MACROD2: variants seen among roughly 807,000 people sequenced by gnomAD.
The protein encoded by MACROD2 is mono-ADP ribosylhydrolase 2, also known as ADP-ribose glycohydrolase MACROD2.
In MACROD2, 36 loss-of-function variants were observed where a neutral mutation model predicts 70.4. That is an observed-to-expected ratio of 0.51 (90% CI 0.39 to 0.68). The LOEUF (loss-of-function observed/expected upper bound fraction) is 0.68. Among genes scored for constraint, MACROD2 ranks in the 30% least tolerant of loss-of-function variants. MACROD2 has a pLI of 0.00. For missense variants in MACROD2, 496 were observed against 538.4 expected, an observed-to-expected ratio of 0.92 and a Z score of 0.78; for synonymous variants, 172 against 178.8, an observed-to-expected ratio of 0.96 and a Z score of 0.30.
chr20:14,543,411 C>T (rs6105284), intron 4 of MACROD2, among the ~76,000 whole-genome samples: 1 of 152,102 alleles, frequency 6.6e-6, no homozygotes, highest in Non-Finnish European at 1.5e-5. Context: ...TTTTAAGCTC[C>T]TATATGTAGT....
chr20:14,433,600 T>A (rs747287770), intron 3 of MACROD2, among the ~76,000 whole-genome samples: 13 of 152,156 alleles, frequency 8.5e-5, no homozygotes, highest in Non-Finnish European at 1.9e-4. Flanking sequence ...AGTGCAACCA[T>A]CTTCATTTGC....
At chr20:15,207,891 T>C (rs2076725760) in intron 5 of MACROD2, among the ~76,000 whole-genome samples, 1 of 152,362 alleles carries the variant, frequency 6.6e-6, no homozygotes, top group South Asian at 2.1e-4. Flanking sequence ...TTAGCATGAA[T>C]TCCTTTTTGT....
At chr20:14,657,787 C>T (rs1473110001) in intron 4 of MACROD2, among the ~76,000 whole-genome samples, 1 of 151,948 alleles carries the variant, frequency 6.6e-6, no homozygotes, top group Non-Finnish European at 1.5e-5. Flanking sequence ...GGGAATTACC[C>T]GTCTTTATCA....
intron 8 of MACROD2, among the ~76,000 whole-genome samples, chr20:15,563,712 A>G (rs2048274724): frequency 6.6e-6 from 1 of 152,226 alleles, no homozygotes; most frequent in Admixed American, 6.5e-5. Flanking sequence ...AATATATTTT[A>G]TTGCACACTT....
At chr20:14,495,827 A>G (rs1336327931) in intron 4 of MACROD2, among the ~76,000 whole-genome samples, 2 of 152,124 alleles carry the variant, frequency 1.3e-5, no homozygotes, top group African/African-American at 4.8e-5. Context: ...ATTTTGCTCA[A>G]TTTGTCACGA....
chr20:15,799,571 A>G (rs937789539), intron 8 of MACROD2, among the ~76,000 whole-genome samples: 1 of 152,204 alleles, frequency 6.6e-6, no homozygotes, highest in Non-Finnish European at 1.5e-5. Flanking sequence ...GGGCGATTTC[A>G]CTTAAAATAA....
At chr20:14,736,492 G>C (rs2071666224) in intron 5 of MACROD2, among the ~76,000 whole-genome samples, 1 of 152,050 alleles carries the variant, frequency 6.6e-6, no homozygotes, top group Non-Finnish European at 1.5e-5. Flanking sequence ...AAAACCTAAA[G>C]TAAACAAAGT....
intron 5 of MACROD2, among the ~76,000 whole-genome samples, chr20:14,951,148 T>C (rs1222062160): frequency 6.6e-6 from 1 of 151,978 alleles, no homozygotes; most frequent in Non-Finnish European, 1.5e-5. Context: ...TTTACTGCAG[T>C]GGTGTGTAGT....
intron 6 of MACROD2, among the ~76,000 whole-genome samples, chr20:15,362,942 A>G (rs1438045290): frequency 6.6e-6 from 1 of 151,004 alleles, no homozygotes; most frequent in South Asian, 2.1e-4. Flanking sequence ...AGAAGAGGGG[A>G]AAGGGGAGGG....
At chr20:14,000,565 A>G (rs1473835657) in intron 1 of MACROD2, among the ~76,000 whole-genome samples, 2 of 152,192 alleles carry the variant, frequency 1.3e-5, no homozygotes, top group Non-Finnish European at 2.9e-5. Flanking sequence ...GCAGAGTATG[A>G]GAAATAACTG....
intron 8 of MACROD2, among the ~76,000 whole-genome samples, chr20:15,715,167 A>G (rs1372645561): frequency 1.3e-5 from 2 of 152,102 alleles, no homozygotes; most frequent in African/African-American, 4.8e-5. Context: ...TTATGTCCAA[A>G]TATTTTATAA....
At chr20:15,273,241 G>T (rs961894410) in intron 6 of MACROD2, among the ~76,000 whole-genome samples, 3 of 152,032 alleles carry the variant, frequency 2.0e-5, no homozygotes, top group Non-Finnish European at 2.9e-5. Context: ...AAAAAGGAGA[G>T]ACTGGCCAAG....
chr20:14,211,242 T>C (rs1398535053), intron 3 of MACROD2, among the ~76,000 whole-genome samples: 1 of 152,216 alleles, frequency 6.6e-6, no homozygotes, highest in African/African-American at 2.4e-5. Flanking sequence ...TTTCATTTCC[T>C]AGCTTTGTGA....
chr20:14,484,529 C>T (rs1329653198), intron 3 of MACROD2, among the ~76,000 whole-genome samples: 2 of 152,004 alleles, frequency 1.3e-5, no homozygotes, highest in Non-Finnish European at 2.9e-5. Flanking sequence ...AATATTAGTT[C>T]TTACTCATTC....
intron 3 of MACROD2, among the ~76,000 whole-genome samples, chr20:14,424,639 A>G (rs1202609380): frequency 1.3e-5 from 2 of 152,190 alleles, no homozygotes; most frequent in African/African-American, 4.8e-5. Flanking sequence ...AGACTGGGTT[A>G]TGGCTCAGCT....
At chr20:15,609,066 C>A (rs2048931554) in intron 8 of MACROD2, among the ~76,000 whole-genome samples, 1 of 152,108 alleles carries the variant, frequency 6.6e-6, no homozygotes, top group Non-Finnish European at 1.5e-5. Flanking sequence ...CTGCTCTATT[C>A]CTCCAGAAGC....
At chr20:15,182,919 A>C (rs2076510233) in intron 5 of MACROD2, among the ~76,000 whole-genome samples, 1 of 152,202 alleles carries the variant, frequency 6.6e-6, no homozygotes, top group East Asian at 1.9e-4. Flanking sequence ...TGGACAAATT[A>C]AAATATCATT....
chr20:14,052,251 A>C (rs1196427834), intron 2 of MACROD2, among the ~76,000 whole-genome samples: 1 of 152,018 alleles, frequency 6.6e-6, no homozygotes, highest in Admixed American at 6.6e-5. Context: ...TTCATAACTA[A>C]GTTGTATCAG....
intron 4 of MACROD2, among the ~76,000 whole-genome samples, chr20:14,590,466 T>A (rs1981689710): frequency 6.6e-6 from 1 of 152,140 alleles, no homozygotes; most frequent in African/African-American, 2.4e-5. Context: ...TAGGACACAT[T>A]CAAACTCCTA....
Sources: allele counts gnomAD v4.1 joint callset (sites outside exome capture counted in the v4.1 genomes callset), GRCh38; gene constraint gnomAD v4.1.1; transcripts MANE v1.5; gene names NCBI Gene and HGNC (gene_info 2026-07-23, HGNC 2026-07-21).